ZNF704: variants seen among roughly 807,000 people sequenced by gnomAD.
ZNF704 encodes glucocorticoid induced gene 1.
In ZNF704, 10 loss-of-function variants were observed where a neutral mutation model predicts 44.7. The ratio of observed to expected loss-of-function variants is 0.22; its 90% CI spans 0.14 to 0.38. The LOEUF (loss-of-function observed/expected upper bound fraction) is 0.38, where lower values mean the gene tolerates loss of function less well. Among genes scored for constraint, ZNF704 ranks in the 10% least tolerant of loss-of-function variants. The probability of loss-of-function intolerance (pLI) is 1.00; values close to 1 mark genes in which losing one functional copy is unlikely to be tolerated. For synonymous variants in ZNF704, 211 were observed against 207.6 expected, an observed-to-expected ratio of 1.02 and a Z score of -0.14; for missense variants, 390 against 545.5, an observed-to-expected ratio of 0.71 and a Z score of 2.84.
chr8:80,756,959 G>A (rs1807046197), intron 2 of ZNF704, among the ~76,000 whole-genome samples: 1 of 152,238 alleles, frequency 6.6e-6, no homozygotes, highest in South Asian at 2.1e-4. Context: ...GGAGACACAT[G>A]AGTGGCCAGC....
chr8:80,708,783 G>A (rs549207388), intron 2 of ZNF704, among the ~76,000 whole-genome samples: 10 of 151,444 alleles, frequency 6.6e-5, no homozygotes, highest in South Asian at 2.1e-4. Flanking sequence ...TAAATATTTC[G>A]AATACTAATA....
intron 2 of ZNF704, among the ~76,000 whole-genome samples, chr8:80,768,395 G>A (rs1807263321): frequency 6.6e-6 from 1 of 152,080 alleles, no homozygotes; most frequent in African/African-American, 2.4e-5. Context: ...TCCACCATGA[G>A]TTGGACACTG....
chr8:80,810,798 G>A (rs532134891), intron 2 of ZNF704, among the ~76,000 whole-genome samples: 1 of 152,310 alleles, frequency 6.6e-6, no homozygotes, highest in South Asian at 2.1e-4. Flanking sequence ...GGACATACAG[G>A]AATCATGCTG....
At position 80,659,698 on chromosome 8, in the gene ZNF704, T is replaced by TA. The variant is rs760474390; in HGVS notation, c.928-10dup. ...GTCACAGGGGGTGTGGCCTGTCAAA[T>TA]AAAAAACAGAGAAAGCTGTTATGAA... On this transcript the variant is annotated splice_polypyrimidine_tract_variant and intron_variant, in intron 6 of 8. Transcript: ENST00000327835. 13 of 1,610,656 alleles carry TA rather than the reference T, an allele frequency of 8.1e-6. No individual in the cohort carries two copies. Among genetic ancestry groups the TA allele is most frequent in the Non-Finnish European group, 1.0e-5 (12 of 1,177,692 alleles).
intron 1 of ZNF704, among the ~76,000 whole-genome samples, chr8:80,852,314 AAAT>A (rs1808878851): frequency 6.6e-6 from 1 of 152,230 alleles, no homozygotes; most frequent in Non-Finnish European, 1.5e-5. Flanking sequence ...CTTATGATAA[AAAT>A]AATAGTACAG....
At chr8:80,728,960 CTTT>C (rs996207289) in intron 2 of ZNF704, among the ~76,000 whole-genome samples, 7 of 152,038 alleles carry the variant, frequency 4.6e-5, no homozygotes, top group Admixed American at 3.9e-4. Context: ...TTGATTCATT[CTTT>C]TTTTCTTTGC....
intron 2 of ZNF704, among the ~76,000 whole-genome samples, chr8:80,700,777 G>C (rs1024422914): frequency 9.2e-5 from 14 of 152,162 alleles, no homozygotes; most frequent in African/African-American, 3.4e-4. Flanking sequence ...CTCTATCTGT[G>C]TAGATTTGAA....
chr8:80,784,405 T>G (rs548561795), intron 2 of ZNF704, among the ~76,000 whole-genome samples: 138 of 152,330 alleles, frequency 9.1e-4, no homozygotes, highest in Non-Finnish European at 1.7e-3. Flanking sequence ...GAGTTTCTGT[T>G]GTTCCACTTC....
At chr8:80,680,965 A>G (rs1818443725) in intron 4 of ZNF704, among the ~76,000 whole-genome samples, 1 of 152,248 alleles carries the variant, frequency 6.6e-6, no homozygotes, top group African/African-American at 2.4e-5. Context: ...GGAATAACCC[A>G]GAATGTATTC....
At chr8:80,669,526 T>A (rs1365030609) in intron 5 of ZNF704, among the ~76,000 whole-genome samples, 1 of 152,240 alleles carries the variant, frequency 6.6e-6, no homozygotes. Context: ...ATGGTCACTA[T>A]GGAGCCACCC....
At chr8:80,824,532 T>A (rs1188193222) in intron 1 of ZNF704, among the ~76,000 whole-genome samples, 1 of 152,176 alleles carries the variant, frequency 6.6e-6, no homozygotes, top group African/African-American at 2.4e-5. Context: ...TTCCCCAACC[T>A]AGCAAGGCAG....
chr8:80,695,079 A>C (rs1434056253), intron 2 of ZNF704, among the ~76,000 whole-genome samples: 1 of 152,236 alleles, frequency 6.6e-6, no homozygotes, highest in Non-Finnish European at 1.5e-5. Flanking sequence ...TGTACTTGGG[A>C]GTAAAGGTAA....
intron 1 of ZNF704, among the ~76,000 whole-genome samples, chr8:80,873,147 C>T (rs891231418): frequency 9.9e-5 from 15 of 152,174 alleles, no homozygotes; most frequent in Non-Finnish European, 1.5e-4. Flanking sequence ...AGGGGACACT[C>T]CTTCCTTGGG....
At chr8:80,719,238 C>T (rs192683504) in intron 2 of ZNF704, among the ~76,000 whole-genome samples, 5 of 152,124 alleles carry the variant, frequency 3.3e-5, no homozygotes, top group South Asian at 2.1e-4. Context: ...GCTGGGATTA[C>T]AGGTGTGAGC....
chr8:80,688,449 A>C (rs1479940869), intron 3 of ZNF704, among the ~76,000 whole-genome samples: 2 of 152,200 alleles, frequency 1.3e-5, no homozygotes, highest in African/African-American at 2.4e-5. Flanking sequence ...CTTCAGAATA[A>C]GGATTATTAT....
chr8:80,748,561 G>A (rs558156519), intron 2 of ZNF704, among the ~76,000 whole-genome samples: 3 of 152,272 alleles, frequency 2.0e-5, no homozygotes, highest in African/African-American at 7.2e-5. Flanking sequence ...TAGCAACGTC[G>A]TTCTTTTTTT....
At chr8:80,658,743 T>C (rs1432916256) in intron 7 of ZNF704, 1 of 152,240 alleles carries the variant, frequency 6.6e-6, no homozygotes, top group Non-Finnish European at 1.5e-5. Context: ...GCCACTTTCA[T>C]TTTTATCAGT....
At chr8:80,791,558 ACT>A (rs1185749489) in intron 2 of ZNF704, among the ~76,000 whole-genome samples, 1 of 152,076 alleles carries the variant, frequency 6.6e-6, no homozygotes, top group Non-Finnish European at 1.5e-5. Flanking sequence ...TTAATAGCAG[ACT>A]CTGATTTGTT....
chr8:80,849,831 T>C (rs1304251257), intron 1 of ZNF704, among the ~76,000 whole-genome samples: 1 of 152,246 alleles, frequency 6.6e-6, no homozygotes, highest in Admixed American at 6.5e-5. Context: ...AATAGCTTTT[T>C]ACATTAGGGG....
Sources: allele counts gnomAD v4.1 joint callset (sites outside exome capture counted in the v4.1 genomes callset), GRCh38; gene constraint gnomAD v4.1.1; transcripts MANE v1.5; gene names NCBI Gene and HGNC (gene_info 2026-07-23, HGNC 2026-07-21).